DUXA: variants seen among roughly 807,000 people sequenced by gnomAD.
The protein encoded by DUXA is double homeobox A, also known as double homeobox protein A.
DUXA carries 25 observed loss-of-function variants against 27.5 expected under a neutral mutation model. That is an observed-to-expected ratio of 0.91 (90% CI 0.66 to 1.27). The LOEUF is 1.27. Ranked by LOEUF, DUXA falls within the 50% of genes most tolerant of loss-of-function variation. The pLI is 0.00. For missense variants in DUXA, 247 were observed against 242.9 expected, an observed-to-expected ratio of 1.02 and a Z score of -0.11; for synonymous variants, 90 against 80.5, an observed-to-expected ratio of 1.12 and a Z score of -0.63.
intron 3 of DUXA, 129 bp downstream of exon 3, chr19:57,159,038 A>G (rs2087006847): frequency 5.6e-6 from 4 of 707,974 alleles, no homozygotes; most frequent in Non-Finnish European, 9.4e-6. Context: ...CTAGGGTACG[A>G]TGAACCCTTT....
intron 1 of DUXA, among the ~76,000 whole-genome samples, chr19:57,166,393 T>C (rs2122703172): frequency 6.6e-6 from 1 of 152,316 alleles, no homozygotes; most frequent in Non-Finnish European, 1.5e-5. Flanking sequence ...CACTGCAACA[T>C]TCACCTCTTG....
rs2086987610 is a variant in DUXA at position 57,155,349 on chromosome 19, A to G, written c.462T>C (p.Ser154=). The change falls in exon 5 of 6, where the codon TCT becomes TCC. Residue 154 remains serine, a synonymous_variant. Coordinates refer to ENST00000554048, the MANE Select transcript of DUXA (RefSeq NM_001012729.2). The part of the protein sequence containing the change: ...RVQIWFQNRR[S]RLLLQRKREP... ...CCCTTTTTCTCTGGAGAAGTAATCT[A>G]GATCTTCGATTTTGGAACCAAATCT... The G allele has an allele frequency of 6.2e-7, 1 of 1,614,200 alleles. No individual in the cohort carries two copies. The highest frequency in any genetic ancestry group is 1.1e-5 in the South Asian group (1 of 91,086).
intron 3 of DUXA, 27 bp from the exon 4 acceptor site, chr19:57,158,500 G>C (rs765618734): frequency 1.9e-6 from 3 of 1,606,872 alleles, no homozygotes; most frequent in Non-Finnish European, 1.7e-6. Flanking sequence ...AAGATGGAGG[G>C]GGGCGGTCAA....
chr19:57,165,003 T>C (rs80079566), intron 1 of DUXA, among the ~76,000 whole-genome samples: 1,890 of 152,226 alleles, frequency 0.012, 21 homozygotes, highest in Non-Finnish European at 0.019. Context: ...TCATTGTTTT[T>C]GTATCATCAG....
intron 4 of DUXA, among the ~76,000 whole-genome samples, chr19:57,157,816 C>T (rs1176285509): frequency 6.6e-6 from 1 of 151,906 alleles, no homozygotes; most frequent in Non-Finnish European, 1.5e-5. Context: ...CATGGCGAAA[C>T]CCTGTCTCTA....
chr19:57,166,115 G>A (rs1368684016), intron 1 of DUXA, among the ~76,000 whole-genome samples: 1 of 151,970 alleles, frequency 6.6e-6, no homozygotes, highest in Non-Finnish European at 1.5e-5. Flanking sequence ...GTGGGGAGAG[G>A]CCCTGGGCTG....
rs2122704638 is a variant in DUXA, at chr19:57,167,450, A to G, written c.-7T>C. The G allele has an allele frequency of 6.2e-7, 1 of 1,613,570 alleles. No homozygotes were observed. Reference sequence around the variant, plus strand: ...AATAGGTGTCTTCGGCCATGCTGGAAGAGAGTCCTGAAGGCTGAGCCACTG... The same window carrying G: ...AATAGGTGTCTTCGGCCATGCTGGAGGAGAGTCCTGAAGGCTGAGCCACTG... On this transcript the variant is annotated 5_prime_UTR_variant, in exon 1 of 6. Transcript: ENST00000554048.
chr19:57,159,310 G>T (rs540417676), intron 2 of DUXA, 32 bp from the exon 3 acceptor site: 1 of 1,589,284 alleles, frequency 6.3e-7, no homozygotes, highest in South Asian at 1.1e-5. Flanking sequence ...AGAGAATTAC[G>T]TGTTAATGTC....
chr19:57,160,878 T>A, intron 1 of DUXA, 81 bp from the exon 2 acceptor site: 1 of 1,507,960 alleles, frequency 6.6e-7, no homozygotes. Context: ...AGTCTCTCAC[T>A]TCCTCTTCCC....
rs187157628 is a variant in DUXA at position 57,159,614 on chromosome 19, T to C, written c.181-336A>G. Among the ~76,000 whole-genome samples, 90 of 151,954 alleles carry C rather than the reference T, an allele frequency of 5.9e-4. 1 individual carries two copies. Among genetic ancestry groups the C allele is most frequent in the Admixed American group, 2.0e-3 (30 of 15,270 alleles). On this transcript the variant is annotated intron_variant, in intron 2 of 5. Transcript: ENST00000554048. Reference sequence around the variant, plus strand: ...TTTCAGTAGAGATGGGGTTTCTCCATGTTGGTCAGGCTGGTCTAGAACTCC... The same window carrying C: ...TTTCAGTAGAGATGGGGTTTCTCCACGTTGGTCAGGCTGGTCTAGAACTCC...
At chr19:57,166,451 A>C (rs2087055233) in intron 1 of DUXA, among the ~76,000 whole-genome samples, 1 of 152,098 alleles carries the variant, frequency 6.6e-6, no homozygotes, top group Admixed American at 6.6e-5. Context: ...CTGGGACTAC[A>C]GGCGCCCACC....
chr19:57,160,620 GGA>G, intron 2 of DUXA, 21 bp downstream of exon 2: 1 of 1,610,698 alleles, frequency 6.2e-7, no homozygotes. Flanking sequence ...TTCCAGTCCT[GGA>G]GATATTGAAC....
chr19:57,160,945 AAC>A (rs1329819820), intron 1 of DUXA, 148 bp from the exon 2 acceptor site: 1 of 867,518 alleles, frequency 1.2e-6, no homozygotes, highest in Non-Finnish European at 1.7e-6. Flanking sequence ...GGAGCTCTTG[AAC>A]ACACAATGGC....
Position 57,154,237 on chromosome 19 carries a change from C to T in DUXA, c.*175G>A. On this transcript the variant is annotated 3_prime_UTR_variant, in exon 6 of 6. Transcript: ENST00000554048. ...TCCTGAGCTCAAGCAATCTTCCTGC[C>T]TTGGCCTCCCAAAGTAGTGGGATTA... is the stretch of plus-strand genomic sequence containing the variant. 1 of 562,740 alleles carries T rather than the reference C, an allele frequency of 1.8e-6. No homozygotes were observed. Among genetic ancestry groups the T allele is most frequent in the Non-Finnish European group, 3.2e-6 (1 of 316,374 alleles). 34.9% of individuals were successfully genotyped at this position (562,740 alleles called of 1,614,324 possible).
chr19:57,160,065 A>G (rs2087012559), intron 2 of DUXA, among the ~76,000 whole-genome samples: 1 of 152,088 alleles, frequency 6.6e-6, no homozygotes, highest in South Asian at 2.1e-4. Context: ...AGATCACACC[A>G]CTGCACTCCA....
intron 1 of DUXA, among the ~76,000 whole-genome samples, chr19:57,164,554 A>G (rs1365269678): frequency 6.6e-6 from 1 of 152,208 alleles, no homozygotes; most frequent in Non-Finnish European, 1.5e-5. Flanking sequence ...CAGCCTGGGC[A>G]ACAGGAGTGA....
At chr19:57,165,319 AAAAAAATATATATATATATATAT>A (rs2087046376) in intron 1 of DUXA, among the ~76,000 whole-genome samples, 1 of 109,900 alleles carries the variant, frequency 9.1e-6, no homozygotes, top group South Asian at 2.8e-4. Flanking sequence ...GAAAAAAAAA[AAAAAAATATATATATATATATAT>A]ATGTATATAT....
intron 3 of DUXA, 73 bp downstream of exon 3, chr19:57,159,094 C>T: frequency 7.4e-7 from 1 of 1,343,008 alleles, no homozygotes; most frequent in Non-Finnish European, 1.0e-6. Context: ...AGGAGACATT[C>T]TTTTTTCAAA....
chr19:57,155,435 T>G, intron 4 of DUXA, 63 bp from the exon 5 acceptor site: 27 of 1,283,290 alleles, frequency 2.1e-5, no homozygotes, highest in Non-Finnish European at 2.9e-5. Context: ...TCATGATTGC[T>G]TTCTTCTCTT....
Sources: gnomAD v4.1 joint callset for allele counts (sites outside exome capture counted in the v4.1 genomes callset) on GRCh38, gnomAD v4.1.1 for gene constraint, MANE v1.5 for transcripts, NCBI Gene and HGNC (gene_info 2026-07-23, HGNC 2026-07-21) for gene names.